Variants in GRM3 observed in about 807,000 individuals in gnomAD.
GRM3 encodes the protein metabotropic glutamate receptor 3.
A neutral mutation model predicts 70.5 loss-of-function variants in GRM3; 26 were observed. The ratio of observed to expected loss-of-function variants is 0.37; its 90% CI spans 0.27 to 0.51. The LOEUF is 0.51. GRM3 is among the 20% of genes least tolerant of loss of function. The pLI is 0.93. For synonymous variants in GRM3, 443 were observed against 434.9 expected, an observed-to-expected ratio of 1.02 and a Z score of -0.23; for missense variants, 859 against 1,123.8, an observed-to-expected ratio of 0.76 and a Z score of 3.37.
intron 1 of GRM3, among the ~76,000 whole-genome samples, chr7:86,735,844 C>A (rs1795845600): frequency 6.6e-6 from 1 of 152,154 alleles, no homozygotes; most frequent in Non-Finnish European, 1.5e-5. Flanking sequence ...TTTAAAAACC[C>A]TGCAGAGCAC....
At position 86,839,322 on chromosome 7, in the gene GRM3, A is replaced by C; in HGVS notation, c.1808A>C (p.Asn603Thr). 6.2e-7 allele frequency: 1 copy of C among 1,614,102 alleles called. No individual in the cohort carries two copies. The highest frequency in any genetic ancestry group is 8.5e-7 in the Non-Finnish European group (1 of 1,179,942). Residue 603 changes from asparagine to threonine, a missense_variant, in exon 4 of 6, where the codon AAC becomes ACC. Physicochemically the swap from Asn to Thr is moderately conservative, Grantham distance 65. Coordinates refer to ENST00000361669, the MANE Select transcript of GRM3 (RefSeq NM_000840.3). The surrounding 1 kb of genome is among the most constrained non-coding windows in gnomAD (Gnocchi z 4.5). The stretch of plus-strand genomic sequence containing the variant: ...GTAACTGTTTTTATCAAGCACAACA[A>C]CACACCCTTGGTCAAAGCATCGGGC... Reference protein sequence around the residue: ...MVVTVFIKHNNTPLVKASGRE... With the variant: ...MVVTVFIKHNTTPLVKASGRE...
intron 5 of GRM3, among the ~76,000 whole-genome samples, chr7:86,855,584 T>C (rs1383971880): frequency 1.3e-5 from 2 of 152,218 alleles, no homozygotes; most frequent in African/African-American, 4.8e-5. Context: ...GTCTAGGTGG[T>C]AATGTGTGAA....
intron 1 of GRM3, among the ~76,000 whole-genome samples, chr7:86,713,117 T>C (rs1795236091): frequency 6.6e-6 from 1 of 152,070 alleles, no homozygotes; most frequent in African/African-American, 2.4e-5. Flanking sequence ...TTCTGCTTTT[T>C]ATATAGCCTC....
intron 1 of GRM3, among the ~76,000 whole-genome samples, chr7:86,665,246 A>C (rs1477847252): frequency 6.6e-6 from 1 of 152,048 alleles, no homozygotes; most frequent in Non-Finnish European, 1.5e-5. Flanking sequence ...ATGAATCTCA[A>C]TTCTATCACT....
chr7:86,788,253 A>T (rs1315845214), intron 3 of GRM3, among the ~76,000 whole-genome samples: 2 of 152,178 alleles, frequency 1.3e-5, no homozygotes, highest in Non-Finnish European at 2.9e-5. Flanking sequence ...ATAAGTGGTC[A>T]CTCAGAAGTC....
chr7:86,668,991 T>C (rs887774578), intron 1 of GRM3, among the ~76,000 whole-genome samples: 3 of 152,110 alleles, frequency 2.0e-5, no homozygotes, highest in Non-Finnish European at 4.4e-5. Context: ...AAAGGATAAA[T>C]AAATGGAAAG....
chr7:86,813,364 C>T (rs1292292677), intron 3 of GRM3, among the ~76,000 whole-genome samples: 1 of 151,740 alleles, frequency 6.6e-6, no homozygotes, highest in Non-Finnish European at 1.5e-5. Context: ...ATCTTAATCT[C>T]TCAATCTGTT....
intron 3 of GRM3, among the ~76,000 whole-genome samples, chr7:86,821,340 C>T (rs563397534): frequency 3.2e-4 from 48 of 152,246 alleles, no homozygotes; most frequent in Admixed American, 2.4e-3. Flanking sequence ...AGCTGACTAA[C>T]AGCACAGTGG....
At position 86,777,509 on chromosome 7, in the gene GRM3, G is replaced by T. The variant is rs146853936; in HGVS notation, c.469-8752G>T. ...TGACTCAAGTGTTTTTGGGGCCCAT[G>T]GCATGTAAGAGTTGTTGACCTCTTC... On this transcript the variant is annotated intron_variant, in intron 2 of 5. Coordinates refer to ENST00000361669, the MANE Select transcript of GRM3 (RefSeq NM_000840.3). Among the ~76,000 whole-genome samples, 231 of 152,218 alleles carry T rather than the reference G, an allele frequency of 1.5e-3. 1 individual carries two copies. Among genetic ancestry groups the T allele is most frequent in the South Asian group, 2.5e-3 (12 of 4,820 alleles).
At chr7:86,769,017 G>A (rs1796674679) in intron 2 of GRM3, among the ~76,000 whole-genome samples, 1 of 152,124 alleles carries the variant, frequency 6.6e-6, no homozygotes, top group African/African-American at 2.4e-5. Context: ...AATATAGTCA[G>A]TGGTAATCCA....
chr7:86,825,663 G>A (rs1798217514), intron 3 of GRM3, among the ~76,000 whole-genome samples: 1 of 152,152 alleles, frequency 6.6e-6, no homozygotes. Flanking sequence ...CTTAGCTGCT[G>A]TGCTTGTCTT....
At chr7:86,842,432 T>C (rs1798574834) in intron 4 of GRM3, among the ~76,000 whole-genome samples, 1 of 152,194 alleles carries the variant, frequency 6.6e-6, no homozygotes, top group Non-Finnish European at 1.5e-5. Flanking sequence ...AGCACTCTTA[T>C]TCCTGTTGCC....
intron 3 of GRM3, among the ~76,000 whole-genome samples, chr7:86,801,417 A>T (rs1190850362): frequency 6.6e-6 from 1 of 152,196 alleles, no homozygotes; most frequent in Non-Finnish European, 1.5e-5. Flanking sequence ...AAGCAAAGAC[A>T]GAATTTGGAA....
At chr7:86,783,283 C>A (rs1195848778) in intron 2 of GRM3, among the ~76,000 whole-genome samples, 1 of 152,134 alleles carries the variant, frequency 6.6e-6, no homozygotes, top group Non-Finnish European at 1.5e-5. Context: ...GTGTTTGAAG[C>A]CTCAGGTTTA....
intron 5 of GRM3, among the ~76,000 whole-genome samples, chr7:86,859,907 G>A (rs1382534687): frequency 6.6e-6 from 1 of 152,132 alleles, no homozygotes; most frequent in Non-Finnish European, 1.5e-5. Flanking sequence ...GATCTTCAAC[G>A]TTTCACCAGT....
intron 1 of GRM3, among the ~76,000 whole-genome samples, chr7:86,748,320 C>A (rs1796153085): frequency 6.6e-6 from 1 of 151,910 alleles, no homozygotes; most frequent in East Asian, 1.9e-4. Context: ...AGAATATTGT[C>A]TAATGAAAGG....
intron 1 of GRM3, among the ~76,000 whole-genome samples, chr7:86,645,976 G>T (rs1793451232): frequency 1.8e-5 from 1 of 54,230 alleles, no homozygotes; most frequent in African/African-American, 7.8e-5. Flanking sequence ...ATGTTTCTTT[G>T]TGGTGGGCGG....
intron 1 of GRM3, among the ~76,000 whole-genome samples, chr7:86,757,808 T>C (rs1796384215): frequency 6.6e-6 from 1 of 152,154 alleles, no homozygotes; most frequent in South Asian, 2.1e-4. Flanking sequence ...CATAGTTTGC[T>C]TCATATTTTT....
intron 1 of GRM3, among the ~76,000 whole-genome samples, chr7:86,751,705 G>A (rs1584214998): frequency 6.6e-6 from 1 of 152,140 alleles, no homozygotes; most frequent in East Asian, 1.9e-4. Context: ...TTTACACCCA[G>A]ACTCATGGTT....
Sources: gnomAD v4.1 joint callset for allele counts (sites outside exome capture counted in the v4.1 genomes callset) on GRCh38, gnomAD v4.1.1 for gene constraint, Gnocchi (gnomAD v3.1) non-coding constraint, MANE v1.5 for transcripts, NCBI Gene and HGNC (gene_info 2026-07-23, HGNC 2026-07-21) for gene names.